Variants in MREG observed in about 807,000 individuals in gnomAD.
MREG encodes the protein melanoregulin, also known as dilute suppressor protein homolog.
MREG carries 31 observed loss-of-function variants against 28.5 expected under a neutral mutation model. The observed-to-expected ratio is 1.09, with a 90% CI of 0.82 to 1.47. The LOEUF (loss-of-function observed/expected upper bound fraction) is 1.47, where lower values mean the gene tolerates loss of function less well. Ranked by LOEUF, MREG falls within the 40% of genes most tolerant of loss-of-function variation. The probability of loss-of-function intolerance (pLI) is 0.00; values close to 1 mark genes in which losing one functional copy is unlikely to be tolerated. For synonymous variants in MREG, 106 were observed against 95.2 expected (o/e 1.11, Z -0.66); for missense variants, 256 against 257.4 (o/e 0.99, Z 0.04).
intron 2 of MREG, among the ~76,000 whole-genome samples, chr2:215,970,210 G>A (rs909152106): frequency 6.6e-6 from 1 of 152,058 alleles, no homozygotes; most frequent in Non-Finnish European, 1.5e-5. Context: ...TTTAGATAGA[G>A]ACACATGCAC....
intron 2 of MREG, among the ~76,000 whole-genome samples, chr2:215,990,279 T>G (rs1354933524): frequency 6.6e-6 from 1 of 152,172 alleles, no homozygotes; most frequent in Non-Finnish European, 1.5e-5. Context: ...ACCCAGAATT[T>G]CATATCCAGC....
intron 1 of MREG, among the ~76,000 whole-genome samples, chr2:216,023,148 T>A (rs1201497013): frequency 6.6e-6 from 1 of 152,194 alleles, no homozygotes; most frequent in Non-Finnish European, 1.5e-5. Context: ...AGACAGCAGG[T>A]GGACCTCCCC....
chr2:216,006,679 G>A (rs1432596759), intron 1 of MREG, among the ~76,000 whole-genome samples: 1 of 152,180 alleles, frequency 6.6e-6, no homozygotes, highest in Non-Finnish European at 1.5e-5. Context: ...TGACATAAAC[G>A]TACTCGTCAA....
intron 1 of MREG, among the ~76,000 whole-genome samples, chr2:216,022,949 C>T (rs577552611): frequency 6.6e-6 from 1 of 152,350 alleles, no homozygotes; most frequent in East Asian, 1.9e-4. Flanking sequence ...TGAAAGGCGA[C>T]CGGAGGCTTG....
rs545041911 is a variant in MREG, at chr2:215,943,136, G to C, written c.*1727C>G. ...CTCTAAGCAGACTAAATACAAGTTA[G>C]TTTTTAACCTGAATTCAGAAGTGCA... On this transcript the variant is annotated 3_prime_UTR_variant, in exon 5 of 5. Coordinates refer to ENST00000263268, the MANE Select transcript of MREG (RefSeq NM_018000.3). 5.1e-4 allele frequency: 132 copies of C among 258,666 alleles called. No individual in the cohort carries two copies. Among genetic ancestry groups the C allele is most frequent in the Non-Finnish European group, 8.3e-4 (107 of 128,166 alleles). The allele number at this position is 258,666 out of a possible 1,614,324, so 16.0% of individuals were successfully genotyped here.
chr2:216,009,729 G>GTTCA (rs1694248276), intron 1 of MREG, among the ~76,000 whole-genome samples: 1 of 151,988 alleles, frequency 6.6e-6, no homozygotes, highest in African/African-American at 2.4e-5. Context: ...TAGAGACAGG[G>GTTCA]TTCACCATGT....
In MREG at chr2:215,996,378, G is replaced by A; in HGVS notation, c.183C>T (p.His61=). 1 of 1,613,970 alleles carries A rather than the reference G, an allele frequency of 6.2e-7. No individual in the cohort carries two copies. The highest frequency in any genetic ancestry group is 8.5e-7 in the Non-Finnish European group (1 of 1,179,862). The part of the protein sequence containing the change: ...NLWSMPHDVS[H]TEADDDRTLY... ...GGGTTCTGTCGTCGTCTGCCTCTGT[G>A]TGGGACACATCATGGGGCATACTCC... Residue 61 remains histidine, a synonymous_variant, in exon 2 of 5, where the codon CAC becomes CAT. Transcript: ENST00000263268.
intron 2 of MREG, among the ~76,000 whole-genome samples, chr2:215,984,192 A>C (rs560136891): frequency 3.3e-5 from 5 of 152,310 alleles, no homozygotes; most frequent in African/African-American, 1.2e-4. Context: ...AAAAACCATC[A>C]GATCTCATGA....
chr2:215,998,526 A>G (rs1267715862), intron 1 of MREG, among the ~76,000 whole-genome samples: 1 of 152,152 alleles, frequency 6.6e-6, no homozygotes, highest in African/African-American at 2.4e-5. Context: ...CTGGGACTGA[A>G]CAAAGTACCT....
downstream of MREG, among the ~76,000 whole-genome samples, chr2:215,941,052 G>GT (rs1203868077): frequency 6.6e-6 from 1 of 152,158 alleles, no homozygotes; most frequent in Non-Finnish European, 1.5e-5. Context: ...ACTTGGCTGA[G>GT]TTTTCAATAG....
intron 2 of MREG, among the ~76,000 whole-genome samples, chr2:215,952,647 GCAA>G (rs1409692507): frequency 5.3e-5 from 8 of 151,750 alleles, no homozygotes; most frequent in African/African-American, 1.9e-4. Flanking sequence ...TAAACTCTTA[GCAA>G]CAACTTCAAA....
In MREG at chr2:216,018,729, C is replaced by T. The variant is rs117636809; in HGVS notation, c.-68+14060G>A. Among the ~76,000 whole-genome samples, 200 of 152,280 alleles carry T rather than the reference C, an allele frequency of 1.3e-3. 2 individuals carry two copies. In the East Asian group the frequency reaches 0.032, roughly 24 times the overall value. On this transcript the variant is annotated intron_variant, in intron 1 of 3. Transcript: ENST00000420348. ...TGACTAATGTTACCAAAGTAAAATCCGCCAAGGGTCCTTATAGAGTCTGTT... is the reference window on the plus strand; with the variant it reads ...TGACTAATGTTACCAAAGTAAAATCTGCCAAGGGTCCTTATAGAGTCTGTT...
chr2:216,030,948 TCTCTCTCTCACA>T (rs1307775956), intron 1 of MREG, among the ~76,000 whole-genome samples: 31 of 97,392 alleles, frequency 3.2e-4, no homozygotes, highest in African/African-American at 8.2e-4. Context: ...TCTCTCTCTC[TCTCTCTCTCACA>T]CACACACACA....
chr2:215,956,313 T>C (rs1692626974), intron 2 of MREG, among the ~76,000 whole-genome samples: 1 of 152,084 alleles, frequency 6.6e-6, no homozygotes, highest in African/African-American at 2.4e-5. Context: ...ACCTAGAAAA[T>C]AGTAAATACT....
intron 2 of MREG, among the ~76,000 whole-genome samples, chr2:215,992,243 T>C (rs1229647989): frequency 2.0e-5 from 3 of 152,182 alleles, no homozygotes; most frequent in East Asian, 3.8e-4. Flanking sequence ...TGGTTCAACA[T>C]ATGCAAATCA....
At chr2:215,940,059 C>T (rs78525606), downstream of MREG, among the ~76,000 whole-genome samples, 11,993 of 152,048 alleles carry the variant, frequency 0.079, 570 homozygotes, top group Middle Eastern at 0.21. Flanking sequence ...CAAATAAATC[C>T]GCTATAGCTA....
intron 1 of MREG, among the ~76,000 whole-genome samples, chr2:216,020,984 C>T (rs7564348): frequency 0.33 from 50,256 of 152,032 alleles, 8,572 homozygotes; most frequent in Admixed American, 0.41. Flanking sequence ...CATCTGAGAC[C>T]GTCGGCAGAA....
At chr2:216,030,152 T>C (rs1269767430) in intron 1 of MREG, among the ~76,000 whole-genome samples, 1 of 152,240 alleles carries the variant, frequency 6.6e-6, no homozygotes, top group Non-Finnish European at 1.5e-5. Flanking sequence ...GGGGGACAGA[T>C]AGACAAATTT....
chr2:215,958,483 C>T (rs1196428462), intron 2 of MREG, among the ~76,000 whole-genome samples: 1 of 152,138 alleles, frequency 6.6e-6, no homozygotes. Flanking sequence ...CTGCAAGAAA[C>T]GAGCTCACGT....
Sources: gnomAD v4.1 joint callset for allele counts (sites outside exome capture counted in the v4.1 genomes callset) on GRCh38, gnomAD v4.1.1 for gene constraint, MANE v1.5 for transcripts, NCBI Gene and HGNC (gene_info 2026-07-23, HGNC 2026-07-21) for gene names.